Variants in SH3BGRL2 observed in about 807,000 individuals in gnomAD.
SH3BGRL2 encodes the protein SH3 domain-binding glutamic acid-rich-like protein 2.
SH3BGRL2 carries 21 observed loss-of-function variants against 14.8 expected under a neutral mutation model. The observed-to-expected ratio is 1.42, with a 90% CI of 1.01 to 2.05. The LOEUF is 2.05. Ranked by LOEUF, SH3BGRL2 falls within the 30% of genes most tolerant of loss-of-function variation. The probability of loss-of-function intolerance (pLI) is 0.00; values close to 1 mark genes in which losing one functional copy is unlikely to be tolerated. For missense variants in SH3BGRL2, 147 were observed against 130.8 expected, an observed-to-expected ratio of 1.12 and a Z score of -0.61; for synonymous variants, 50 against 47.8, an observed-to-expected ratio of 1.05 and a Z score of -0.19.
At chr6:79,686,019 T>C (rs572866143) in intron 2 of SH3BGRL2, among the ~76,000 whole-genome samples, 50 of 152,342 alleles carry the variant, frequency 3.3e-4, no homozygotes, top group Admixed American at 2.7e-3. Flanking sequence ...CATTCTTAAT[T>C]GATCATTTTG....
At chr6:79,686,349 A>C (rs1770089877) in intron 2 of SH3BGRL2, among the ~76,000 whole-genome samples, 1 of 149,772 alleles carries the variant, frequency 6.7e-6, no homozygotes, top group East Asian at 2.0e-4. Flanking sequence ...TTTCCTTTTC[A>C]TCTTCAGGAT....
At chr6:79,567,750 A>G in the SH3BGRL2 span, among the ~76,000 whole-genome samples, 6 of 152,262 alleles carry the variant, frequency 3.9e-5, no homozygotes, top group Non-Finnish European at 5.9e-5. Flanking sequence ...AAATACAACT[A>G]TCAAAATTAA....
chr6:79,629,032 C>G (rs902860426), upstream of SH3BGRL2, among the ~76,000 whole-genome samples: 3 of 152,170 alleles, frequency 2.0e-5, no homozygotes, highest in East Asian at 1.9e-4. Context: ...GTGGGCCATA[C>G]GACCTCTGTC....
the SH3BGRL2 span, among the ~76,000 whole-genome samples, chr6:79,619,228 GTC>G: frequency 6.6e-6 from 1 of 151,856 alleles, no homozygotes; most frequent in Non-Finnish European, 1.5e-5. Flanking sequence ...CAATTATTTT[GTC>G]TCTTTTTGTT....
At chr6:79,661,281 T>TC (rs1285550605) in intron 1 of SH3BGRL2, among the ~76,000 whole-genome samples, 1 of 152,224 alleles carries the variant, frequency 6.6e-6, no homozygotes, top group Non-Finnish European at 1.5e-5. Context: ...ACTATAAATT[T>TC]CCCTCTAGAC....
intron 1 of SH3BGRL2, among the ~76,000 whole-genome samples, chr6:79,654,400 G>A (rs1270032997): frequency 6.6e-6 from 1 of 152,180 alleles, no homozygotes; most frequent in Non-Finnish European, 1.5e-5. Context: ...TATGTGCATT[G>A]TAGCTCAGAG....
At chr6:79,669,767 G>A (rs1769736288) in intron 1 of SH3BGRL2, among the ~76,000 whole-genome samples, 1 of 152,094 alleles carries the variant, frequency 6.6e-6, no homozygotes, top group Non-Finnish European at 1.5e-5. Flanking sequence ...TTCTAGTGGG[G>A]GAGATGGACA....
At chr6:79,681,997 T>A (rs1769997053) in intron 2 of SH3BGRL2, among the ~76,000 whole-genome samples, 1 of 141,906 alleles carries the variant, frequency 7.0e-6, no homozygotes. Context: ...TACACTATTA[T>A]TTTACACACA....
the SH3BGRL2 span, among the ~76,000 whole-genome samples, chr6:79,542,523 C>T: frequency 5.3e-5 from 8 of 152,318 alleles, no homozygotes; most frequent in East Asian, 1.9e-4. Flanking sequence ...CCCGCCTTGG[C>T]CTCCCAAAGT....
intron 1 of SH3BGRL2, among the ~76,000 whole-genome samples, chr6:79,666,328 G>C (rs1352539090): frequency 6.6e-6 from 1 of 152,146 alleles, no homozygotes; most frequent in Non-Finnish European, 1.5e-5. Flanking sequence ...ATTGTAATCT[G>C]TCGGCTTCAG....
intron 3 of SH3BGRL2, among the ~76,000 whole-genome samples, chr6:79,699,092 G>A (rs1234446820): frequency 6.6e-6 from 1 of 151,742 alleles, no homozygotes; most frequent in African/African-American, 2.4e-5. Context: ...GGCAGTTGGG[G>A]GACTGGGGCA....
chr6:79,680,621 T>A (rs1314037163), intron 2 of SH3BGRL2, among the ~76,000 whole-genome samples: 1 of 152,198 alleles, frequency 6.6e-6, no homozygotes, highest in Non-Finnish European at 1.5e-5. Context: ...AAACTGCTGT[T>A]GAAATTTTAA....
At chr6:79,548,807 A>C in the SH3BGRL2 span, among the ~76,000 whole-genome samples, 1 of 152,216 alleles carries the variant, frequency 6.6e-6, no homozygotes, top group African/African-American at 2.4e-5. Context: ...GTAGATGGTT[A>C]GAGCAAGTCT....
upstream of SH3BGRL2, among the ~76,000 whole-genome samples, chr6:79,629,170 C>T (rs1049298103): frequency 2.0e-5 from 3 of 152,320 alleles, no homozygotes; most frequent in Admixed American, 6.5e-5. Context: ...TGTCAGGACT[C>T]TTTCTAAAAC....
chr6:79,579,762 G>A, the SH3BGRL2 span, among the ~76,000 whole-genome samples: 30 of 152,184 alleles, frequency 2.0e-4, no homozygotes, highest in East Asian at 5.8e-4. Flanking sequence ...AATAACCAGC[G>A]AACATCATAA....
At chr6:79,573,953 C>T in the SH3BGRL2 span, 1 of 152,118 alleles carries the variant, frequency 6.6e-6, no homozygotes, top group Non-Finnish European at 1.5e-5. Flanking sequence ...CTTGAATTCT[C>T]TAATTACTAG....
At chr6:79,561,851 A>G in the SH3BGRL2 span, among the ~76,000 whole-genome samples, 1 of 152,210 alleles carries the variant, frequency 6.6e-6, no homozygotes. Context: ...GACAATGTAA[A>G]CTAAAATACA....
the SH3BGRL2 span, among the ~76,000 whole-genome samples, chr6:79,560,159 G>T: frequency 4.6e-5 from 7 of 152,088 alleles, no homozygotes; most frequent in Non-Finnish European, 8.8e-5. Flanking sequence ...CTAATAATAA[G>T]AAGTAATCTT....
chr6:79,566,144 A>G, the SH3BGRL2 span, among the ~76,000 whole-genome samples: 1 of 152,198 alleles, frequency 6.6e-6, no homozygotes, highest in African/African-American at 2.4e-5. Flanking sequence ...CTTTCAGCCC[A>G]GAACCGGTGT....
Sources: allele counts gnomAD v4.1 joint callset (sites outside exome capture counted in the v4.1 genomes callset), GRCh38; gene constraint gnomAD v4.1.1; transcripts MANE v1.5; gene names NCBI Gene and HGNC (gene_info 2026-07-23, HGNC 2026-07-21).